Variants in DISC1 observed in about 807,000 individuals in gnomAD.
The protein encoded by DISC1 is disrupted in schizophrenia 1 protein.
A neutral mutation model predicts 84.5 loss-of-function variants in DISC1; 57 were observed. The ratio of observed to expected loss-of-function variants is 0.67; its 90% CI spans 0.55 to 0.84. The LOEUF (loss-of-function observed/expected upper bound fraction) is 0.84. Ranked by LOEUF, DISC1 falls within the 40% of genes least tolerant of loss-of-function variation. The pLI, the probability that DISC1 is intolerant of heterozygous loss-of-function variation, is 0.00. For synonymous variants in DISC1, 411 were observed against 415.2 expected (o/e 0.99, Z 0.12); for missense variants, 1,000 against 1,057.8 (o/e 0.95, Z 0.76).
chr1:231,921,073 ATT>A (rs975628780), intron 9 of DISC1, among the ~76,000 whole-genome samples: 10 of 142,082 alleles, frequency 7.0e-5, no homozygotes, highest in Non-Finnish European at 7.8e-5. Flanking sequence ...AGCCTGGCTA[ATT>A]TTTTTTTTTT....
chr1:231,835,822 AAAT>A (rs1343812046), intron 9 of DISC1, among the ~76,000 whole-genome samples: 2 of 152,224 alleles, frequency 1.3e-5, no homozygotes, highest in African/African-American at 4.8e-5. Flanking sequence ...AAAGTATAAA[AAAT>A]AATATCATGT....
chr1:231,779,209 G>A (rs1477723926), intron 6 of DISC1, among the ~76,000 whole-genome samples: 2 of 152,054 alleles, frequency 1.3e-5, no homozygotes, highest in Non-Finnish European at 1.5e-5. Context: ...TCCTTGCACC[G>A]CCAGATGCTG....
chr1:231,713,711 TATATATATATATAG>T (rs2068205575), intron 3 of DISC1, among the ~76,000 whole-genome samples: 1 of 144,386 alleles, frequency 6.9e-6, no homozygotes, highest in African/African-American at 2.6e-5. Flanking sequence ...GAGATATATA[TATATATATATATAG>T]GAGATATATA....
intron 8 of DISC1, among the ~76,000 whole-genome samples, chr1:231,818,059 T>C (rs2081199837): frequency 6.6e-6 from 1 of 152,220 alleles, no homozygotes; most frequent in African/African-American, 2.4e-5. Context: ...TGGGTCATCA[T>C]ACTTTACGGG....
chr1:231,991,771 G>GAA (rs1665241008), intron 10 of DISC1, among the ~76,000 whole-genome samples: 1 of 152,146 alleles, frequency 6.6e-6, no homozygotes, highest in South Asian at 2.1e-4. Flanking sequence ...AAATGTAAAG[G>GAA]AAAAGCCCCT....
At chr1:231,810,937 G>C (rs2080235691) in intron 8 of DISC1, among the ~76,000 whole-genome samples, 1 of 152,118 alleles carries the variant, frequency 6.6e-6, no homozygotes, top group Admixed American at 6.5e-5. Context: ...GCTTTTTGTG[G>C]GTAAGGGTAT....
At position 231,786,912 on chromosome 1, in the gene DISC1, G is replaced by A. The variant is rs182051563; in HGVS notation, c.1635-8330G>A. Among the ~76,000 whole-genome samples the A allele has an allele frequency of 1.9e-3, 294 of 152,294 alleles. 1 individual carries two copies. The highest frequency in any genetic ancestry group is 4.8e-3 in the East Asian group (25 of 5,172). On this transcript the variant is annotated intron_variant, in intron 6 of 12. Coordinates refer to ENST00000439617, the MANE Select transcript of DISC1 (RefSeq NM_018662.3). Reference sequence around the variant, plus strand: ...CTGGCTCTTCAGGAAGGCACTTCTCGTTTTGGCTGCCTGAACCAGCTTTGG... The same window carrying A: ...CTGGCTCTTCAGGAAGGCACTTCTCATTTTGGCTGCCTGAACCAGCTTTGG...
chr1:231,822,831 A>G (rs1306270085), intron 9 of DISC1, among the ~76,000 whole-genome samples: 1 of 152,170 alleles, frequency 6.6e-6, no homozygotes, highest in Non-Finnish European at 1.5e-5. Context: ...GCCTAGGCAG[A>G]TCACTGGTGA....
rs374233984 is a variant in DISC1, at chr1:231,942,712, A to G, written c.1982-16116A>G. Among the ~76,000 whole-genome samples the G allele has an allele frequency of 3.9e-5, 6 of 152,320 alleles. No homozygotes were observed. The South Asian group carries it at 6.2e-4, about 16-fold the overall frequency. On this transcript the variant is annotated intron_variant, in intron 9 of 12. Coordinates refer to ENST00000439617, the MANE Select transcript of DISC1 (RefSeq NM_018662.3). ...TAAAAAAGAAAAAAAAGAAAACGCC[A>G]TGGCCAGAGGCGCCACATTTTAGCT... is the stretch of plus-strand genomic sequence containing the variant.
chr1:231,640,388 T>C (rs1244381913), intron 1 of DISC1, among the ~76,000 whole-genome samples: 1 of 152,222 alleles, frequency 6.6e-6, no homozygotes, highest in African/African-American at 2.4e-5. Flanking sequence ...TGGGGTTGTA[T>C]TGTTACCCCC....
chr1:232,013,149 T>C (rs1668182702), intron 11 of DISC1, among the ~76,000 whole-genome samples: 1 of 152,184 alleles, frequency 6.6e-6, no homozygotes, highest in Admixed American at 6.5e-5. Flanking sequence ...TTTTCTTTCC[T>C]GTCTGCAACC....
At chr1:231,977,991 T>C (rs1238744458) in intron 10 of DISC1, among the ~76,000 whole-genome samples, 4 of 152,242 alleles carry the variant, frequency 2.6e-5, no homozygotes, top group African/African-American at 9.6e-5. Flanking sequence ...TTTCCTTTAC[T>C]TCCTTCTTTG....
chr1:232,022,225 A>G (rs1669025086), intron 11 of DISC1, among the ~76,000 whole-genome samples: 1 of 152,114 alleles, frequency 6.6e-6, no homozygotes, highest in Non-Finnish European at 1.5e-5. Context: ...ATGGCATGGA[A>G]ATGGCCAAGG....
chr1:231,781,350 G>A (rs1484943345), intron 6 of DISC1, among the ~76,000 whole-genome samples: 1 of 152,022 alleles, frequency 6.6e-6, no homozygotes, highest in Non-Finnish European at 1.5e-5. Context: ...CTTACAACAT[G>A]AGTCTATTAT....
chr1:231,694,419 G>A lies in DISC1; in HGVS notation c.661G>A (p.Gly221Arg), dbSNP rs747828145. The change falls in exon 2 of 13, where the codon GGG (glycine) becomes AGG (arginine). Residue 221 changes from glycine to arginine, a missense_variant. Physicochemically the swap from Gly to Arg is moderately radical, Grantham distance 125 (BLOSUM62 -2). This residue lies in a region of DISC1 where 311 missense variants were observed against 400.1 expected (regional missense o/e 0.78). Coordinates refer to ENST00000439617, the MANE Select transcript of DISC1 (RefSeq NM_018662.3). ...SFIRLSLGSA[G>R]ERGEAEGCPP... The stretch of plus-strand genomic sequence containing the variant: ...TATTCGGCTCTCGCTTGGCTCTGCC[G>A]GGGAACGTGGAGAAGCAGAAGGCTG... 16 of 1,614,124 alleles carry A rather than the reference G, an allele frequency of 9.9e-6. No homozygotes were observed. The highest frequency in any genetic ancestry group is 9.9e-5 in the South Asian group (9 of 91,092).
chr1:232,004,684 A>G (rs1230726097), intron 10 of DISC1, among the ~76,000 whole-genome samples: 4 of 152,180 alleles, frequency 2.6e-5, no homozygotes, highest in East Asian at 3.8e-4. Context: ...TTCAAACGAG[A>G]TCCCACCTTT....
At position 231,693,970 on chromosome 1, in the gene DISC1, T is replaced by G; in HGVS notation, c.212T>G (p.Val71Gly). 6.2e-7 allele frequency: 1 copy of G among 1,613,726 alleles called. No homozygotes were observed. The highest frequency in any genetic ancestry group is 8.5e-7 in the Non-Finnish European group (1 of 1,179,888). Residue 71 changes from valine to glycine, a missense_variant, in exon 2 of 13, where the codon GTG (valine) becomes GGG (glycine). Val to Gly is a moderately radical substitution (Grantham distance 109). Around this residue, in one of 3 missense-constraint regions of DISC1, gnomAD observed 292 missense variants for 280.2 expected, o/e 1.04. Coordinates refer to ENST00000439617, the MANE Select transcript of DISC1 (RefSeq NM_018662.3). The stretch of plus-strand genomic sequence containing the variant: ...ACACTGTTCCGGTTCCCAGGAGGGG[T>G]GTCTGGCGAGGAGTCCCACCACTCG... ...VGTLFRFPGG[V>G]SGEESHHSES... is the part of the protein sequence containing the mutation.
At chr1:231,983,804 C>G (rs563147419) in intron 10 of DISC1, among the ~76,000 whole-genome samples, 7 of 152,086 alleles carry the variant, frequency 4.6e-5, no homozygotes, top group Non-Finnish European at 1.0e-4. Context: ...AGCTGAGAGG[C>G]AATAAACTGG....
At chr1:231,719,699 A>T (rs891979756) in intron 3 of DISC1, among the ~76,000 whole-genome samples, 1 of 152,210 alleles carries the variant, frequency 6.6e-6, no homozygotes, top group Non-Finnish European at 1.5e-5. Context: ...TCTGCTAGAG[A>T]TAGGCTTTTT....
Sources: gnomAD v4.1 joint callset for allele counts (sites outside exome capture counted in the v4.1 genomes callset) on GRCh38, gnomAD v4.1.1 for gene constraint, gnomAD v4.1.1 regional missense constraint, MANE v1.5 for transcripts, NCBI Gene and HGNC (gene_info 2026-07-23, HGNC 2026-07-21) for gene names.